Variants in VPS13D observed in about 807,000 individuals in gnomAD.
VPS13D encodes intermembrane lipid transfer protein VPS13D.
In VPS13D, 187 loss-of-function variants were observed where a neutral mutation model predicts 461.9. The observed-to-expected ratio is 0.40, with a 90% CI of 0.36 to 0.46. VPS13D has a LOEUF of 0.46. Ranked by LOEUF, VPS13D falls within the 20% of genes least tolerant of loss-of-function variation. VPS13D has a pLI of 0.60. For synonymous variants in VPS13D, 1,951 were observed against 1,986.3 expected (o/e 0.98, Z 0.47); for missense variants, 4,711 against 5,364.9 (o/e 0.88, Z 3.81).
intron 42 of VPS13D, among the ~76,000 whole-genome samples, chr1:12,344,263 A>G (rs1267848413): frequency 6.6e-6 from 1 of 152,208 alleles, no homozygotes; most frequent in Non-Finnish European, 1.5e-5. Flanking sequence ...AGCTTTCTGT[A>G]ATCATGTGCT....
intron 68 of VPS13D, among the ~76,000 whole-genome samples, chr1:12,500,506 G>A (rs961017231): frequency 2.0e-5 from 3 of 152,010 alleles, no homozygotes; most frequent in African/African-American, 7.2e-5. Context: ...AGGCTGGTGA[G>A]CAGTAGGGTG....
chr1:12,235,861 G>A (rs760608070), intron 2 of VPS13D, among the ~76,000 whole-genome samples: 2 of 152,178 alleles, frequency 1.3e-5, no homozygotes. Flanking sequence ...AGCTAACTAC[G>A]TTGTATGACG....
chr1:12,328,309 A>T (rs996037794), intron 36 of VPS13D, among the ~76,000 whole-genome samples: 1 of 151,228 alleles, frequency 6.6e-6, no homozygotes, highest in Non-Finnish European at 1.5e-5. Context: ...CACTGTTTAT[A>T]TGTGAGCTGT....
At chr1:12,235,667 G>A (rs1640125774) in intron 2 of VPS13D, among the ~76,000 whole-genome samples, 1 of 152,196 alleles carries the variant, frequency 6.6e-6, no homozygotes, top group Admixed American at 6.5e-5. Context: ...AGCCGTCATG[G>A]TCACGCCTCC....
intron 63 of VPS13D, among the ~76,000 whole-genome samples, chr1:12,411,197 C>T (rs903593593): frequency 6.6e-6 from 1 of 151,994 alleles, no homozygotes; most frequent in African/African-American, 2.4e-5. Context: ...AAAACACGAT[C>T]GTTTACTAGA....
intron 16 of VPS13D, 128 bp from the exon 17 acceptor site, chr1:12,270,866 C>T (rs1641419793): frequency 8.0e-7 from 1 of 1,255,238 alleles, no homozygotes; most frequent in South Asian, 1.5e-5. Flanking sequence ...GAGTGTGAGC[C>T]ACCATGCCCA....
Position 12,283,528 on chromosome 1 carries a change from G to C in VPS13D, c.5426G>C (p.Ser1809Thr). The C allele has an allele frequency of 1.2e-6, 2 of 1,614,230 alleles. No homozygotes were observed. Among genetic ancestry groups the C allele is most frequent in the Non-Finnish European group, 1.7e-6 (2 of 1,180,026 alleles). The change falls in exon 21 of 70, where the codon AGC becomes ACC. Residue 1809 changes from serine to threonine, a missense_variant. Physicochemically the swap from Ser to Thr is moderately conservative, Grantham distance 58. This residue lies in a region of VPS13D where 4,411 missense variants were observed against 4,937.8 expected (regional missense o/e 0.89). Transcript: ENST00000620676. ...FSSSYNRVNR[S>T]IDVDFNCLDV... ...TCCAGTTACAATCGAGTTAACCGGA[G>C]CATTGATGTTGATTTTAATTGCTTG...
intron 21 of VPS13D, among the ~76,000 whole-genome samples, chr1:12,287,249 A>T (rs752940930): frequency 7.2e-5 from 11 of 152,148 alleles, no homozygotes; most frequent in Non-Finnish European, 1.3e-4. Context: ...CTGCAAGGGA[A>T]CTGGAGTTCC....
chr1:12,333,095 G>T, intron 37 of VPS13D, 131 bp from the exon 38 acceptor site: 1 of 1,108,010 alleles, frequency 9.0e-7, no homozygotes. Context: ...TGGTGCTTTT[G>T]TTGTGAAATT....
At position 12,304,624 on chromosome 1, in the gene VPS13D, G is replaced by A. The variant is rs1438143912; in HGVS notation, c.6335G>A (p.Gly2112Glu). The A allele has an allele frequency of 1.2e-6, 2 of 1,614,102 alleles. No individual in the cohort carries two copies. Among genetic ancestry groups the A allele is most frequent in the Non-Finnish European group, 8.5e-7 (1 of 1,180,026 alleles). The change falls in exon 26 of 70, where the codon GGA (glycine) becomes GAA (glutamate). Residue 2112 changes from glycine (G) to glutamate (E), a missense_variant. Physicochemically the swap from Gly to Glu is moderately conservative, Grantham distance 98 (BLOSUM62 -2). Around this residue, in one of 3 missense-constraint regions of VPS13D, gnomAD observed 4,411 missense variants for 4,937.8 expected, o/e 0.89. Coordinates refer to ENST00000620676, the MANE Select transcript of VPS13D (RefSeq NM_015378.4). Reference sequence around the variant, plus strand: ...GGGCAGTTCACGATGCCTCTTGCTGGAATGAGCCTAGGAAGCCTGAAGAGT... The same window carrying A: ...GGGCAGTTCACGATGCCTCTTGCTGAAATGAGCCTAGGAAGCCTGAAGAGT... ...SQGQFTMPLAGMSLGSLKSEF... is the reference protein window; with the variant it reads ...SQGQFTMPLAEMSLGSLKSEF...
chr1:12,445,532 C>T (rs529188374), intron 65 of VPS13D, among the ~76,000 whole-genome samples: 1 of 152,206 alleles, frequency 6.6e-6, no homozygotes, highest in South Asian at 2.1e-4. Context: ...TCCCAGGTCA[C>T]CCTTTGTGGA....
At chr1:12,261,848 C>CT in intron 12 of VPS13D, 53 bp from the exon 13 acceptor site, 1 of 1,472,328 alleles carries the variant, frequency 6.8e-7, no homozygotes, top group South Asian at 1.4e-5. Context: ...CTTGCTGGTG[C>CT]TTTTTTATTC....
intron 52 of VPS13D, among the ~76,000 whole-genome samples, chr1:12,365,232 C>A (rs1340484233): frequency 6.6e-6 from 1 of 152,124 alleles, no homozygotes; most frequent in Non-Finnish European, 1.5e-5. Context: ...GTTGTTTTCT[C>A]TATTCAGAGT....
At chr1:12,336,969 A>T (rs770328281) in intron 39 of VPS13D, 3 of 152,236 alleles carry the variant, frequency 2.0e-5, no homozygotes, top group Non-Finnish European at 4.4e-5. Flanking sequence ...GTCAAACTCT[A>T]GCAAGGCCTG....
At chr1:12,491,133 A>AT (rs1645875366) in intron 67 of VPS13D, among the ~76,000 whole-genome samples, 1 of 152,216 alleles carries the variant, frequency 6.6e-6, no homozygotes, top group Non-Finnish European at 1.5e-5. Flanking sequence ...AGCACAGTAT[A>AT]TATCAGTAAG....
rs1570291435 is a variant in VPS13D, at chr1:12,499,850, C to T, written c.12794+2219C>T. 1.9e-5 allele frequency: 19 copies of T among 985,438 alleles called. No homozygotes were observed. The South Asian group carries it at 8.5e-4, about 44-fold the overall frequency. 61.0% of individuals were successfully genotyped at this position (985,438 alleles called of 1,614,324 possible). A position where few individuals can be genotyped will look rare whatever the true frequency, so the allele number is the denominator to read the frequency against. On this transcript the variant is annotated intron_variant, in intron 68 of 69. Transcript: ENST00000620676. ...GCGGTGGAGTGAACATTACACTCAT[C>T]ACTCTGCAAGAAAGGAGTTTTCAGG... is the stretch of plus-strand genomic sequence containing the variant.
chr1:12,503,130 C>T (rs1390196358), intron 68 of VPS13D, among the ~76,000 whole-genome samples: 8 of 152,150 alleles, frequency 5.3e-5, no homozygotes, highest in African/African-American at 1.9e-4. Context: ...CCCCGTGGTT[C>T]ATGGTTTATG....
intron 65 of VPS13D, among the ~76,000 whole-genome samples, chr1:12,421,391 A>G (rs972897272): frequency 1.3e-5 from 2 of 152,212 alleles, no homozygotes; most frequent in Non-Finnish European, 2.9e-5. Flanking sequence ...TCAGAGGAGA[A>G]AGTTTCTTTC....
At chr1:12,419,902 C>T (rs1054623704) in intron 65 of VPS13D, among the ~76,000 whole-genome samples, 3 of 152,150 alleles carry the variant, frequency 2.0e-5, no homozygotes, top group Admixed American at 6.5e-5. Context: ...TTCCACACCT[C>T]GGCTATCGGC....
Sources: gnomAD v4.1 joint callset for allele counts (sites outside exome capture counted in the v4.1 genomes callset) on GRCh38, gnomAD v4.1.1 for gene constraint, gnomAD v4.1.1 regional missense constraint, MANE v1.5 for transcripts, NCBI Gene and HGNC (gene_info 2026-07-23, HGNC 2026-07-21) for gene names.